Variants in FER1L6 observed in about 807,000 individuals in gnomAD.
FER1L6 encodes fer-1-like protein 6.
A neutral mutation model predicts 219.2 loss-of-function variants in FER1L6; 177 were observed. The ratio of observed to expected loss-of-function variants is 0.81; its 90% confidence interval spans 0.71 to 0.91. FER1L6 has a LOEUF of 0.91. Among genes scored for constraint, FER1L6 ranks in the 40% least tolerant of loss-of-function variants. The pLI is 0.00. For synonymous variants in FER1L6, 768 were observed against 824.3 expected (o/e 0.93, Z 1.17); for missense variants, 2,153 against 2,259.9 (o/e 0.95, Z 0.96).
chr8:123,880,510 C>T (rs1264815285), intron 1 of FER1L6, among the ~76,000 whole-genome samples: 1 of 152,150 alleles, frequency 6.6e-6, no homozygotes, highest in African/African-American at 2.4e-5. Context: ...CTCCAGTTCC[C>T]ACTGAGTGGT....
intron 3 of FER1L6, 90 bp from the exon 4 acceptor site, chr8:123,965,917 A>G (rs1383133580): frequency 8.7e-7 from 1 of 1,149,126 alleles, no homozygotes; most frequent in Non-Finnish European, 1.3e-6. Flanking sequence ...ATATTAAATG[A>G]AAGGACTTAG....
intron 1 of FER1L6, among the ~76,000 whole-genome samples, chr8:123,903,092 T>A (rs1194762988): frequency 2.0e-5 from 3 of 152,188 alleles, no homozygotes; most frequent in Admixed American, 6.6e-5. Flanking sequence ...TGCAATTATA[T>A]CTTAGTAAGA....
intron 18 of FER1L6, among the ~76,000 whole-genome samples, chr8:124,029,416 T>C (rs80049749): frequency 0.32 from 49,165 of 152,018 alleles, 8,097 homozygotes; most frequent in South Asian, 0.36. Flanking sequence ...TATTTCTCCA[T>C]AGCCTTGCCA....
rs1165524995 is a variant in FER1L6, at chr8:123,935,537, C to G, written c.-7-20455C>G. Among the ~76,000 whole-genome samples the G allele has an allele frequency of 1.3e-5, 2 of 152,140 alleles. 1 individual carries two copies. Among genetic ancestry groups the G allele is most frequent in the African/African-American group, 4.8e-5 (2 of 41,416 alleles). ...GCAAAAACAGCAGGTTTTTGACTAG[C>G]CTTATCCATCACTGAAGTGCCTAGA... On this transcript the variant is annotated intron_variant, in intron 1 of 40. Coordinates refer to ENST00000522917, the MANE Select transcript of FER1L6 (RefSeq NM_001039112.2).
At chr8:124,098,693 A>T (rs1023784963) in intron 37 of FER1L6, among the ~76,000 whole-genome samples, 6 of 152,212 alleles carry the variant, frequency 3.9e-5, no homozygotes, top group African/African-American at 1.4e-4. Flanking sequence ...CCAGTTTAGG[A>T]AAGATTAATG....
At chr8:124,088,998 G>A (rs1821903036) in intron 33 of FER1L6, among the ~76,000 whole-genome samples, 1 of 152,148 alleles carries the variant, frequency 6.6e-6, no homozygotes, top group Admixed American at 6.5e-5. Flanking sequence ...GGCTGCCCCA[G>A]CTGGTATTTC....
intron 37 of FER1L6, among the ~76,000 whole-genome samples, chr8:124,100,330 G>A (rs984021396): frequency 2.0e-5 from 3 of 152,184 alleles, no homozygotes; most frequent in Admixed American, 6.5e-5. Context: ...ATACTAAGAC[G>A]AAAGAACATG....
At chr8:123,999,891 T>G (rs1160477601) in intron 12 of FER1L6, among the ~76,000 whole-genome samples, 1 of 152,032 alleles carries the variant, frequency 6.6e-6, no homozygotes, top group Non-Finnish European at 1.5e-5. Flanking sequence ...TGCCCCAGCT[T>G]ATGTCTCACT....
At chr8:123,887,699 G>A (rs200983904) in intron 1 of FER1L6, among the ~76,000 whole-genome samples, 2 of 8,940 alleles carry the variant, frequency 2.2e-4, no homozygotes, top group African/African-American at 1.6e-3. Flanking sequence ...TGAAATTGTT[G>A]TGTGTGTGTG....
intron 19 of FER1L6, among the ~76,000 whole-genome samples, chr8:124,036,706 CA>C (rs1819231812): frequency 6.6e-6 from 1 of 152,124 alleles, no homozygotes; most frequent in African/African-American, 2.4e-5. Context: ...TCTAGAGACC[CA>C]AGGACCTGGA....
chr8:124,030,835 G>A (rs1001207917), intron 18 of FER1L6, among the ~76,000 whole-genome samples: 4 of 152,062 alleles, frequency 2.6e-5, no homozygotes, highest in African/African-American at 9.7e-5. Context: ...CAGTTCATGT[G>A]AGTTACTACC....
chr8:123,965,897 A>G (rs1488428591), intron 3 of FER1L6, 110 bp from the exon 4 acceptor site: 2 of 977,782 alleles, frequency 2.0e-6, no homozygotes, highest in Non-Finnish European at 3.1e-6. Flanking sequence ...TGTAGACAGA[A>G]TATGTAATAA....
intron 13 of FER1L6, among the ~76,000 whole-genome samples, chr8:124,006,051 A>G (rs1817641036): frequency 6.6e-6 from 1 of 152,168 alleles, no homozygotes; most frequent in South Asian, 2.1e-4. Flanking sequence ...ACCAGAGAGA[A>G]CCCAAAATTC....
intron 3 of FER1L6, among the ~76,000 whole-genome samples, chr8:123,965,777 T>A (rs577665423): frequency 6.6e-6 from 1 of 152,344 alleles, no homozygotes; most frequent in Non-Finnish European, 1.5e-5. Flanking sequence ...ATGCACTATA[T>A]CATTTAATTC....
At chr8:124,052,560 C>A (rs60932022) in intron 22 of FER1L6, among the ~76,000 whole-genome samples, 1 of 152,012 alleles carries the variant, frequency 6.6e-6, no homozygotes, top group Non-Finnish European at 1.5e-5. Context: ...CCGAGGAGCA[C>A]GGATCACCTG....
intron 1 of FER1L6, among the ~76,000 whole-genome samples, chr8:123,884,845 T>G (rs188517937): frequency 1.9e-4 from 29 of 152,040 alleles, no homozygotes; most frequent in Admixed American, 1.9e-3. Flanking sequence ...AGCCCCAGAG[T>G]TTGGGCAGTG....
At chr8:123,880,236 T>C (rs113207569) in intron 1 of FER1L6, among the ~76,000 whole-genome samples, 3 of 152,258 alleles carry the variant, frequency 2.0e-5, no homozygotes, top group African/African-American at 4.8e-5. Context: ...ATCAACTGAT[T>C]GACCAGCTGA....
chr8:123,995,250 T>C (rs989605811), intron 12 of FER1L6, among the ~76,000 whole-genome samples: 1 of 152,192 alleles, frequency 6.6e-6, no homozygotes, highest in Non-Finnish European at 1.5e-5. Flanking sequence ...TTGAAAAAAC[T>C]TGTGTTTTTC....
chr8:123,890,339 A>G (rs531499660), intron 1 of FER1L6, among the ~76,000 whole-genome samples: 79 of 152,212 alleles, frequency 5.2e-4, no homozygotes, highest in African/African-American at 1.6e-3. Flanking sequence ...CTTTAGCCTC[A>G]AAAGTTGACT....
Sources: allele counts gnomAD v4.1 joint callset (sites outside exome capture counted in the v4.1 genomes callset), GRCh38; gene constraint gnomAD v4.1.1; transcripts MANE v1.5; gene names NCBI Gene and HGNC (gene_info 2026-07-23, HGNC 2026-07-21).